The following METTL8 variants were observed in gnomAD, a reference collection of about 807,000 sequenced individuals.
METTL8 encodes methyltransferase 8, tRNA N3-cytidine.
Under a neutral mutation model 48.7 loss-of-function variants are expected in METTL8, and 32 were observed. The ratio of observed to expected loss-of-function variants is 0.66; its 90% CI spans 0.50 to 0.88. The LOEUF (loss-of-function observed/expected upper bound fraction) is 0.88, where lower values mean the gene tolerates loss of function less well. Among genes scored for constraint, METTL8 ranks in the 40% least tolerant of loss-of-function variants. The pLI is 0.00. For synonymous variants in METTL8, 136 were observed against 157.1 expected (o/e 0.87, Z 1.01); for missense variants, 464 against 474.4 (o/e 0.98, Z 0.20).
At chr2:171,381,071 A>G (rs1687479163) in intron 2 of METTL8, among the ~76,000 whole-genome samples, 1 of 152,168 alleles carries the variant, frequency 6.6e-6, no homozygotes. Flanking sequence ...ACGGAACAGA[A>G]CACAGACCTC....
intron 1 of METTL8, among the ~76,000 whole-genome samples, chr2:171,431,122 G>T (rs547265185): frequency 6.6e-6 from 1 of 152,178 alleles, no homozygotes; most frequent in African/African-American, 2.4e-5. Flanking sequence ...TAAGGGAAGC[G>T]TCCCTGAAGA....
intron 1 of METTL8, 64 bp downstream of exon 1, chr2:171,433,819 C>T (rs1693457950): frequency 6.5e-6 from 1 of 153,334 alleles, no homozygotes; most frequent in Non-Finnish European, 1.5e-5. Flanking sequence ...CTTCCTAATA[C>T]AAAAGCACAG....
chr2:171,325,811 C>A (rs1268278260), intron 9 of METTL8, 30 bp downstream of exon 9: 2 of 1,320,256 alleles, frequency 1.5e-6, no homozygotes, highest in Non-Finnish European at 2.1e-6. Context: ...ACGATTATGA[C>A]CAATTATTTC....
At chr2:171,406,288 G>A (rs1270722100) in intron 1 of METTL8, among the ~76,000 whole-genome samples, 3 of 152,176 alleles carry the variant, frequency 2.0e-5, no homozygotes, top group African/African-American at 7.2e-5. Context: ...TACCTATTAG[G>A]TATGAAAGAG....
At chr2:171,345,786 C>T (rs1687207445) in intron 3 of METTL8, among the ~76,000 whole-genome samples, 2 of 152,112 alleles carry the variant, frequency 1.3e-5, no homozygotes, top group East Asian at 1.9e-4. Context: ...AGACTCATTA[C>T]ATTTGCTAAA....
intron 1 of METTL8, among the ~76,000 whole-genome samples, chr2:171,392,678 T>C (rs1559164320): frequency 6.6e-6 from 1 of 152,166 alleles, no homozygotes; most frequent in African/African-American, 2.4e-5. Context: ...CTGAATAATA[T>C]GAAAATCAGT....
At chr2:171,412,082 C>T (rs1258427379) in intron 1 of METTL8, among the ~76,000 whole-genome samples, 11 of 152,184 alleles carry the variant, frequency 7.2e-5, no homozygotes, top group Non-Finnish European at 2.9e-5. Flanking sequence ...GAAGGCACTA[C>T]TCAAAGTGGC....
At chr2:171,417,687 T>C (rs1354555276) in intron 1 of METTL8, among the ~76,000 whole-genome samples, 2 of 152,226 alleles carry the variant, frequency 1.3e-5, no homozygotes, top group Non-Finnish European at 2.9e-5. Context: ...GTGTCTACCA[T>C]ATTCCTGCTG....
chr2:171,390,478 A>G (rs1409218272), intron 2 of METTL8, among the ~76,000 whole-genome samples: 1 of 152,258 alleles, frequency 6.6e-6, no homozygotes, highest in Non-Finnish European at 1.5e-5. Flanking sequence ...CACTCTGGAA[A>G]GGATTCACCA....
rs11895722 is a variant in METTL8, at chr2:171,418,428, T to A, written c.-13+15455A>T. On this transcript the variant is annotated intron_variant, in intron 1 of 9. Coordinates refer to ENST00000375258, the MANE Select transcript of METTL8 (RefSeq NM_001321154.2). ...AGGAAATCATTATGCAGAGCCCACA[T>A]TTAAAAAGTGGGCACTTAGGCTCTA... Among the ~76,000 whole-genome samples, 1,383 of 152,224 alleles carry A rather than the reference T, an allele frequency of 9.1e-3. 22 individuals carry two copies. Among genetic ancestry groups the A allele is most frequent in the African/African-American group, 0.032 (1,337 of 41,522 alleles).
rs778119201 is a variant in METTL8, at chr2:171,352,964, C to T, written c.235+7458G>A. ...TTTGAAGGGTTTTTTGTGTCTCTAT[C>T]TCCTTCAGTTCTGCTCTGATCTTAG... On this transcript the variant is annotated intron_variant, in intron 3 of 9. Transcript: ENST00000375258. 2.4e-3 allele frequency among the ~76,000 whole-genome samples: 364 copies of T among 151,700 alleles called. 2 individuals carry two copies. The highest frequency in any genetic ancestry group is 4.5e-3 in the Non-Finnish European group (308 of 67,870).
At chr2:171,359,945 T>C (rs1381195519) in intron 3 of METTL8, among the ~76,000 whole-genome samples, 1 of 152,194 alleles carries the variant, frequency 6.6e-6, no homozygotes, top group Non-Finnish European at 1.5e-5. Flanking sequence ...TTTATGAAGG[T>C]TGGCAAGGCT....
At chr2:171,400,799 C>T (rs1275628542) in intron 1 of METTL8, among the ~76,000 whole-genome samples, 5 of 152,098 alleles carry the variant, frequency 3.3e-5, no homozygotes, top group Non-Finnish European at 7.4e-5. Flanking sequence ...CATTTTAATA[C>T]TACTAGAGGA....
At chr2:171,372,557 A>T (rs1686471362) in intron 2 of METTL8, among the ~76,000 whole-genome samples, 1 of 152,084 alleles carries the variant, frequency 6.6e-6, no homozygotes, top group African/African-American at 2.4e-5. Flanking sequence ...ATATGTATAC[A>T]TGCGCCATGT....
At chr2:171,408,248 A>G (rs1213593841) in intron 1 of METTL8, among the ~76,000 whole-genome samples, 1 of 151,970 alleles carries the variant, frequency 6.6e-6, no homozygotes, top group Non-Finnish European at 1.5e-5. Flanking sequence ...CTCAGCATTT[A>G]GAAATAGTAT....
At chr2:171,413,038 C>T (rs1312320444) in intron 1 of METTL8, among the ~76,000 whole-genome samples, 1 of 152,136 alleles carries the variant, frequency 6.6e-6, no homozygotes, top group Non-Finnish European at 1.5e-5. Flanking sequence ...CTATACAACT[C>T]AATGAGCCAG....
At chr2:171,393,859 GTACTTT>G (rs1332329945) in intron 1 of METTL8, among the ~76,000 whole-genome samples, 1 of 152,018 alleles carries the variant, frequency 6.6e-6, no homozygotes, top group Non-Finnish European at 1.5e-5. Flanking sequence ...ACAGCTCTTT[GTACTTT>G]TAAACATAAA....
At chr2:171,410,216 AG>A (rs1412527965) in intron 1 of METTL8, among the ~76,000 whole-genome samples, 1 of 152,212 alleles carries the variant, frequency 6.6e-6, no homozygotes, top group East Asian at 1.9e-4. Context: ...CATTTTCTAT[AG>A]GAACATTTTA....
At chr2:171,363,770 T>TA (rs1451285037) in intron 2 of METTL8, among the ~76,000 whole-genome samples, 1 of 120,532 alleles carries the variant, frequency 8.3e-6, no homozygotes, top group Non-Finnish European at 1.8e-5. Context: ...AAAATGAGGT[T>TA]AAAAAAGTAC....
Sources: gnomAD v4.1 joint callset for allele counts (sites outside exome capture counted in the v4.1 genomes callset) on GRCh38, gnomAD v4.1.1 for gene constraint, MANE v1.5 for transcripts, NCBI Gene and HGNC (gene_info 2026-07-23, HGNC 2026-07-21) for gene names.